Variants in ZFHX3 observed in about 807,000 individuals in gnomAD.
ZFHX3 encodes the protein zinc finger homeobox protein 3.
ZFHX3 carries 42 observed loss-of-function variants against 279.1 expected under a neutral mutation model. The ratio of observed to expected loss-of-function variants is 0.15; its 90% CI spans 0.12 to 0.19. The LOEUF is 0.19. ZFHX3 is among the 10% of genes least tolerant of loss of function. The probability of loss-of-function intolerance (pLI) is 1.00; values close to 1 mark genes in which losing one functional copy is unlikely to be tolerated. For synonymous variants in ZFHX3, 2,293 were observed against 1,957.8 expected (o/e 1.17, Z -4.52); for missense variants, 4,981 against 4,754.0 (o/e 1.05, Z -1.40).
chr16:73,550,355 G>T (rs1335185756), intron 2 of ZFHX3, among the ~76,000 whole-genome samples: 1 of 152,162 alleles, frequency 6.6e-6, no homozygotes, highest in Admixed American at 6.5e-5. Context: ...TGATGGAGTG[G>T]ACGATAAACT....
chr16:73,020,862 C>T (rs1258046249), intron 1 of ZFHX3, among the ~76,000 whole-genome samples: 3 of 152,028 alleles, frequency 2.0e-5, no homozygotes, highest in Admixed American at 6.6e-5. Context: ...CACTTCATCC[C>T]GCCCCCCCAA....
At chr16:72,880,597 G>A (rs1284248206) in intron 4 of ZFHX3, among the ~76,000 whole-genome samples, 1 of 152,126 alleles carries the variant, frequency 6.6e-6, no homozygotes, top group African/African-American at 2.4e-5. Flanking sequence ...AACGGGGGGT[G>A]AAAAATACAC....
At chr16:73,397,206 TGAG>T (rs1341508872) in intron 3 of ZFHX3, among the ~76,000 whole-genome samples, 2 of 152,240 alleles carry the variant, frequency 1.3e-5, no homozygotes, top group African/African-American at 4.8e-5. Context: ...GAGGCCTCTC[TGAG>T]GAGGTGACAT....
At chr16:72,997,283 T>C (rs1209689484) in intron 1 of ZFHX3, among the ~76,000 whole-genome samples, 1 of 152,194 alleles carries the variant, frequency 6.6e-6, no homozygotes, top group African/African-American at 2.4e-5. Flanking sequence ...GCATATGGGC[T>C]GTGAAACTTG....
intron 3 of ZFHX3, among the ~76,000 whole-genome samples, chr16:73,419,613 T>C (rs2017675067): frequency 6.6e-6 from 1 of 152,044 alleles, no homozygotes. Context: ...CTATATGCCA[T>C]ATGATTTTTT....
At chr16:72,968,486 A>G (rs1296953542) in intron 1 of ZFHX3, among the ~76,000 whole-genome samples, 2 of 141,740 alleles carry the variant, frequency 1.4e-5, no homozygotes, top group African/African-American at 5.3e-5. Context: ...TTTGAGACAG[A>G]GTCTCGCTCT....
intron 3 of ZFHX3, among the ~76,000 whole-genome samples, chr16:72,937,067 G>T (rs1185488609): frequency 6.6e-6 from 1 of 152,164 alleles, no homozygotes; most frequent in Non-Finnish European, 1.5e-5. Context: ...TAACCGAGAT[G>T]GGGGAGCCCA....
intron 3 of ZFHX3, among the ~76,000 whole-genome samples, chr16:73,444,761 GCA>G (rs2018152131): frequency 6.6e-6 from 1 of 152,154 alleles, no homozygotes; most frequent in Non-Finnish European, 1.5e-5. Context: ...CAGCACCTGT[GCA>G]GCATGCAACA....
chr16:73,473,489 G>T (rs1165549980), intron 2 of ZFHX3, among the ~76,000 whole-genome samples: 1 of 152,072 alleles, frequency 6.6e-6, no homozygotes, highest in African/African-American at 2.4e-5. Flanking sequence ...GGCAAAATCT[G>T]CCCAACGCTT....
intron 1 of ZFHX3, among the ~76,000 whole-genome samples, chr16:73,847,104 C>T (rs1597141707): frequency 6.6e-6 from 1 of 152,108 alleles, no homozygotes; most frequent in African/African-American, 2.4e-5. Context: ...GAGTTCAAGG[C>T]CAGCCTGACC....
Position 72,794,105 on chromosome 16 carries a change from C to T in ZFHX3, c.8577G>A (p.Thr2859=), listed in dbSNP as rs1267981562. ...DEGNADNDSA[T]GIATETKSSS... The stretch of plus-strand genomic sequence containing the variant: ...AGGATTTGGTTTCAGTTGCTATTCC[C>T]GTTGCACTGTCGTTATCTGCGTTGC... The change falls in exon 9 of 10, where the codon ACG becomes ACA. Residue 2859 remains threonine (T), a synonymous_variant. Transcript: ENST00000268489. This position sits in a 1 kb window ranked among gnomAD's most constrained non-coding sequence, Gnocchi z 4.2. 2.5e-6 allele frequency: 4 copies of T among 1,614,188 alleles called. No homozygotes were observed. The highest frequency in any genetic ancestry group is 1.7e-6 in the Non-Finnish European group (2 of 1,180,036).
At chr16:73,347,213 C>G (rs966001782) in intron 3 of ZFHX3, among the ~76,000 whole-genome samples, 22 of 152,238 alleles carry the variant, frequency 1.4e-4, no homozygotes, top group Admixed American at 3.3e-4. Context: ...CCATCTGATT[C>G]TACTTCCTGA....
At position 72,787,682 on chromosome 16, in the gene ZFHX3, G is replaced by C. The variant is rs879575592; in HGVS notation, c.10594C>G (p.Leu3532Val). The change falls in exon 10 of 10, where the codon CTG becomes GTG. Residue 3532 changes from leucine (L) to valine (V), a missense_variant. This residue lies in a region of ZFHX3 where 1,034 missense variants were observed against 786.0 expected (regional missense o/e 1.32). Transcript: ENST00000268489. ...CCACAGAGCGCGCTCTCGCACGCCAGGCAGTGGTACGAGCCGCCGCCGCCG... is the reference window on the plus strand; with the variant it reads ...CCACAGAGCGCGCTCTCGCACGCCACGCAGTGGTACGAGCCGCCGCCGCCG... ...GGGGGGSYHC[L>V]ACESALCGEE... The C allele has an allele frequency of 7.3e-6, 11 of 1,516,378 alleles. No homozygotes were observed. The highest frequency in any genetic ancestry group is 9.7e-6 in the Non-Finnish European group (11 of 1,130,554). 93.9% of individuals were successfully genotyped at this position (1,516,378 alleles called of 1,614,324 possible).
At chr16:72,856,656 C>A (rs1304646838) in intron 4 of ZFHX3, among the ~76,000 whole-genome samples, 1 of 152,192 alleles carries the variant, frequency 6.6e-6, no homozygotes, top group East Asian at 1.9e-4. Flanking sequence ...ATCTTCCTAG[C>A]ACATGGAAAA....
In ZFHX3 at chr16:73,071,476, T is replaced by TGCCGCC. The variant is rs59328820; in HGVS notation, c.-532-12470_-532-12465dup. On this transcript the variant is annotated intron_variant, in intron 8 of 17. Coordinates refer to the ZFHX3 transcript ENST00000641206. ...TTTTCTCTGCTGCTGCTGCTGCTGC[T>TGCCGCC]GCCGCCGCCGCCGCCGCCGCCGATA... 4.0e-5 allele frequency among the ~76,000 whole-genome samples: 6 copies of TGCCGCC among 151,174 alleles called. No individual in the cohort carries two copies. In the East Asian group the frequency reaches 7.8e-4, roughly 20 times the overall value.
chr16:73,885,010 A>T (rs914943074), intron 1 of ZFHX3, among the ~76,000 whole-genome samples: 1 of 152,162 alleles, frequency 6.6e-6, no homozygotes, highest in Non-Finnish European at 1.5e-5. Flanking sequence ...TTTTCGCTTT[A>T]AATTTTAATA....
intron 1 of ZFHX3, among the ~76,000 whole-genome samples, chr16:73,021,987 A>T (rs1423260100): frequency 1.3e-5 from 2 of 151,998 alleles, no homozygotes; most frequent in Non-Finnish European, 2.9e-5. Flanking sequence ...CTCAAATGTC[A>T]CCTTCTCCGA....
rs183460862 is a variant in ZFHX3 at position 73,199,392 on chromosome 16, A to G, written c.-1103-55561T>C. Reference sequence around the variant, plus strand: ...GGTAGCACCAAGTCCATGGCCCATGAAAGTGACTCTGCTGCCATCTATGCC... The same window carrying G: ...GGTAGCACCAAGTCCATGGCCCATGGAAGTGACTCTGCTGCCATCTATGCC... On this transcript the variant is annotated intron_variant, in intron 5 of 17. Coordinates refer to the ZFHX3 transcript ENST00000641206. 3.0e-3 allele frequency among the ~76,000 whole-genome samples: 463 copies of G among 152,360 alleles called. 3 individuals are homozygous for G. The highest frequency in any genetic ancestry group is 0.011 in the African/African-American group (452 of 41,590).
chr16:73,568,172 T>C (rs752181868), intron 2 of ZFHX3, among the ~76,000 whole-genome samples: 6 of 152,180 alleles, frequency 3.9e-5, no homozygotes, highest in Non-Finnish European at 7.3e-5. Flanking sequence ...GTTACTAAAT[T>C]CCTTTACGTT....
Sources: allele counts gnomAD v4.1 joint callset (sites outside exome capture counted in the v4.1 genomes callset), GRCh38; gene constraint gnomAD v4.1.1; regional missense constraint gnomAD v4.1.1; non-coding constraint Gnocchi (gnomAD v3.1); transcripts MANE v1.5; gene names NCBI Gene and HGNC (gene_info 2026-07-23, HGNC 2026-07-21).